The following SH3GL2 variants were observed in gnomAD, a reference collection of about 807,000 sequenced individuals.
The protein encoded by SH3GL2 is SH3 domain containing GRB2 like 2, endophilin A1.
In SH3GL2, 24 loss-of-function variants were observed where a neutral mutation model predicts 46.0. That is an observed-to-expected ratio of 0.52 (90% CI 0.38 to 0.73). The LOEUF (loss-of-function observed/expected upper bound fraction) is 0.73. SH3GL2 is among the 30% of genes least tolerant of loss of function. SH3GL2 has a pLI of 0.00. For missense variants in SH3GL2, 413 were observed against 424.2 expected (o/e 0.97, Z 0.23); for synonymous variants, 196 against 147.1 (o/e 1.33, Z -2.40).
intron 2 of SH3GL2, among the ~76,000 whole-genome samples, chr9:17,757,443 G>T (rs1253066283): frequency 1.3e-5 from 2 of 151,512 alleles, no homozygotes. Flanking sequence ...AATCTACAAA[G>T]AACTCAAACA....
At position 17,787,241 on chromosome 9, in the gene SH3GL2, G is replaced by T. The variant is rs903663619; in HGVS notation, c.332-139G>T. ...TTGAGTCTGTTGCCTGGAGTGAACT[G>T]AAGATACCTATTCTCTCTTGTCTGT... On this transcript the variant is annotated intron_variant, in intron 4 of 8. Transcript: ENST00000380607. The T allele has an allele frequency of 9.0e-6, 6 of 663,710 alleles. No homozygotes were observed. The African/African-American group carries it at 9.1e-5, about 10-fold the overall frequency. The allele number at this position is 663,710 out of a possible 1,614,324, so 41.1% of individuals were successfully genotyped here. A position where few individuals can be genotyped will look rare whatever the true frequency, so the allele number is the denominator to read the frequency against.
At chr9:17,620,664 G>T (rs537555013) in intron 1 of SH3GL2, among the ~76,000 whole-genome samples, 1 of 152,308 alleles carries the variant, frequency 6.6e-6, no homozygotes, top group South Asian at 2.1e-4. Flanking sequence ...GGATTGGAGA[G>T]AAATGGAGGC....
At chr9:17,642,662 C>G (rs1400178103) in intron 1 of SH3GL2, among the ~76,000 whole-genome samples, 3 of 152,050 alleles carry the variant, frequency 2.0e-5, no homozygotes, top group Non-Finnish European at 4.4e-5. Context: ...CAGATTGTTG[C>G]AGATGTGCGG....
At position 17,597,160 on chromosome 9, in the gene SH3GL2, A is replaced by C. The variant is rs556609478; in HGVS notation, c.45+17873A>C. ...AGTAATCTGCTGAAGCATATACCAA[A>C]TTGATGTTTTTATTTGCTGCAAAAC... On this transcript the variant is annotated intron_variant, in intron 1 of 8. Coordinates refer to ENST00000380607, the MANE Select transcript of SH3GL2 (RefSeq NM_003026.5). Among the ~76,000 whole-genome samples, 4 of 152,324 alleles carry C rather than the reference A, an allele frequency of 2.6e-5. No homozygotes were observed. In the South Asian group the frequency reaches 8.3e-4, roughly 32 times the overall value.
chr9:17,657,480 AT>A (rs1400505933), intron 1 of SH3GL2, among the ~76,000 whole-genome samples: 3 of 152,104 alleles, frequency 2.0e-5, no homozygotes, highest in Non-Finnish European at 4.4e-5. Flanking sequence ...AGGTTGACGG[AT>A]TTTGGTGTTA....
At chr9:17,713,045 G>A (rs1821670319) in intron 1 of SH3GL2, among the ~76,000 whole-genome samples, 1 of 150,834 alleles carries the variant, frequency 6.6e-6, no homozygotes. Flanking sequence ...AAGTTTAAGG[G>A]CATTCCTTTC....
chr9:17,694,821 G>A (rs1191832664), intron 1 of SH3GL2, among the ~76,000 whole-genome samples: 7 of 152,166 alleles, frequency 4.6e-5, no homozygotes, highest in Non-Finnish European at 7.3e-5. Context: ...CACATTTAGA[G>A]AGCCTACTAA....
At position 17,791,294 on chromosome 9, in the gene SH3GL2, G is replaced by T. The variant is rs752535226; in HGVS notation, c.688G>T (p.Val230Phe). 4.3e-6 allele frequency: 7 copies of T among 1,613,392 alleles called. No homozygotes were observed. The Admixed American group carries it at 8.3e-5, about 19-fold the overall frequency. Residue 230 changes from valine to phenylalanine, a missense_variant, in exon 7 of 9, where the codon GTC becomes TTC. Transcript: ENST00000380607. ...QAQLEYHKQA[V>F]QILQQVTVRL... The stretch of plus-strand genomic sequence containing the variant: ...TCAGCTGGAGTACCACAAGCAGGCA[G>T]TCCAGATCCTGCAGCAAGTCACGGT...
chr9:17,631,190 G>C (rs1041722436), intron 1 of SH3GL2, among the ~76,000 whole-genome samples: 1 of 152,172 alleles, frequency 6.6e-6, no homozygotes, highest in Non-Finnish European at 1.5e-5. Flanking sequence ...ACATTTGTAG[G>C]CTTGTTTCAT....
chr9:17,743,322 T>G (rs543029769), intron 1 of SH3GL2, among the ~76,000 whole-genome samples: 1 of 152,318 alleles, frequency 6.6e-6, no homozygotes, highest in African/African-American at 2.4e-5. Context: ...TTTTTAATAT[T>G]ACTTTTTCCC....
intron 7 of SH3GL2, 117 bp downstream of exon 7, chr9:17,791,451 C>G (rs936564540): frequency 5.6e-6 from 4 of 716,316 alleles, no homozygotes; most frequent in South Asian, 1.7e-5. Flanking sequence ...TTCCGCTTAT[C>G]CTACAGAGGC....
chr9:17,787,971 T>G (rs2131187962), intron 5 of SH3GL2, among the ~76,000 whole-genome samples: 1 of 152,316 alleles, frequency 6.6e-6, no homozygotes, highest in East Asian at 1.9e-4. Flanking sequence ...TATGTGTTTT[T>G]ATATTAATAT....
chr9:17,612,776 G>C (rs1223143722), intron 1 of SH3GL2, among the ~76,000 whole-genome samples: 1 of 152,084 alleles, frequency 6.6e-6, no homozygotes, highest in Non-Finnish European at 1.5e-5. Flanking sequence ...ATCAATTTTG[G>C]AACGTTTTTA....
intron 1 of SH3GL2, among the ~76,000 whole-genome samples, chr9:17,608,120 T>C (rs963392976): frequency 6.6e-6 from 1 of 151,454 alleles, no homozygotes; most frequent in Non-Finnish European, 1.5e-5. Context: ...AAATCTCTTT[T>C]TGAATTTAGA....
Position 17,748,588 on chromosome 9 carries a change from T to G in SH3GL2, c.114+1454T>G, listed in dbSNP as rs3780224. On this transcript the variant is annotated intron_variant, in intron 2 of 8. Transcript: ENST00000380607. ...AATTAAAAAAAAAATCCTAGGTACTTTCTACCTTGTCTTTTTAGTTTTTCT... is the reference window on the plus strand; with the variant it reads ...AATTAAAAAAAAAATCCTAGGTACTGTCTACCTTGTCTTTTTAGTTTTTCT... Among the ~76,000 whole-genome samples, 351 of 152,146 alleles carry G rather than the reference T, an allele frequency of 2.3e-3. 1 individual carries two copies. The highest frequency in any genetic ancestry group is 8.1e-3 in the African/African-American group (335 of 41,530).
chr9:17,747,820 C>T (rs543384076), intron 2 of SH3GL2, among the ~76,000 whole-genome samples: 12 of 152,056 alleles, frequency 7.9e-5, no homozygotes, highest in South Asian at 6.2e-4. Context: ...ATTACAGGCA[C>T]GCACCACCAC....
chr9:17,728,450 A>C lies in SH3GL2; in HGVS notation c.46-18616A>C, dbSNP rs546606633. On this transcript the variant is annotated intron_variant, in intron 1 of 8. Transcript: ENST00000380607. ...AGATACTCTTCTGAATTTTATTTTTAAATTTTTAAAATTATTTATGTATGT... is the reference window on the plus strand; with the variant it reads ...AGATACTCTTCTGAATTTTATTTTTCAATTTTTAAAATTATTTATGTATGT... 5.9e-5 allele frequency among the ~76,000 whole-genome samples: 9 copies of C among 152,166 alleles called. No homozygotes were observed. In the South Asian group the frequency reaches 1.7e-3, roughly 28 times the overall value.
chr9:17,631,203 A>T (rs897142990), intron 1 of SH3GL2, among the ~76,000 whole-genome samples: 1 of 152,206 alleles, frequency 6.6e-6, no homozygotes, highest in African/African-American at 2.4e-5. Context: ...TGTTTCATCA[A>T]CGGAGCAGTT....
intron 3 of SH3GL2, among the ~76,000 whole-genome samples, chr9:17,780,671 C>G (rs1823782089): frequency 9.5e-6 from 1 of 105,552 alleles, no homozygotes; most frequent in Non-Finnish European, 1.9e-5. Flanking sequence ...TGATATTCCC[C>G]TTCCTGTGTC....
Sources: allele counts gnomAD v4.1 joint callset (sites outside exome capture counted in the v4.1 genomes callset), GRCh38; gene constraint gnomAD v4.1.1; transcripts MANE v1.5; gene names NCBI Gene and HGNC (gene_info 2026-07-23, HGNC 2026-07-21).